The following A2ML1 variants were observed in gnomAD, a reference collection of about 807,000 sequenced individuals.
A2ML1 encodes alpha-2-macroglobulin-like protein 1.
Under a neutral mutation model 181.9 loss-of-function variants are expected in A2ML1, and 161 were observed. That is an observed-to-expected ratio of 0.89 (90% CI 0.78 to 1.01). The LOEUF (loss-of-function observed/expected upper bound fraction) is 1.01. A2ML1 is among the 50% of genes least tolerant of loss of function. The pLI is 0.00. For synonymous variants in A2ML1, 663 were observed against 666.8 expected (o/e 0.99, Z 0.09); for missense variants, 1,670 against 1,768.1 (o/e 0.94, Z 1.00).
At chr12:8,855,110 G>A (rs986206218) in intron 22 of A2ML1, among the ~76,000 whole-genome samples, 4 of 152,092 alleles carry the variant, frequency 2.6e-5, no homozygotes, top group African/African-American at 9.7e-5. Context: ...GGCCAGGCTG[G>A]TCTCGAACTC....
At chr12:8,862,837 A>C (rs892338244) in intron 28 of A2ML1, among the ~76,000 whole-genome samples, 1 of 152,112 alleles carries the variant, frequency 6.6e-6, no homozygotes, top group Non-Finnish European at 1.5e-5. Flanking sequence ...CGTTCTTCCA[A>C]TTAGATTGCC....
At position 8,869,055 on chromosome 12, in the gene A2ML1, G is replaced by C. The variant is rs1944532263; in HGVS notation, c.4153-80G>C. 6 of 1,387,920 alleles carry C rather than the reference G, an allele frequency of 4.3e-6. No homozygotes were observed. In the Admixed American group the frequency reaches 6.9e-5, roughly 16 times the overall value. The allele number at this position is 1,387,920 out of a possible 1,614,324, so 86.0% of individuals were successfully genotyped here. ...TTTCCACAGTATATATTGTTTCCTT[G>C]ATCATGGCAGAGCTTTGGAAGACTA... On this transcript the variant is annotated intron_variant, in intron 32 of 35. Coordinates refer to ENST00000299698, the MANE Select transcript of A2ML1 (RefSeq NM_144670.6).
At position 8,839,290 on chromosome 12, in the gene A2ML1, G is replaced by A; in HGVS notation, c.1080+68G>A. On this transcript the variant is annotated intron_variant, in intron 10 of 35. Transcript: ENST00000299698. Reference sequence around the variant, plus strand: ...CCATCTACTTTGCCTCCTTCCTGCAGCCATAGCCACATAGCTAACTTAGTG... The same window carrying A: ...CCATCTACTTTGCCTCCTTCCTGCAACCATAGCCACATAGCTAACTTAGTG... The A allele has an allele frequency of 4.3e-5, 48 of 1,112,364 alleles. No homozygotes were observed. The South Asian group carries it at 6.5e-4, about 15-fold the overall frequency. 68.9% of individuals were successfully genotyped at this position (1,112,364 alleles called of 1,614,324 possible). A position where few individuals can be genotyped will look rare whatever the true frequency, so the allele number is the denominator to read the frequency against.
intron 14 of A2ML1, among the ~76,000 whole-genome samples, chr12:8,846,677 G>T (rs936140229): frequency 1.3e-5 from 2 of 152,076 alleles, no homozygotes; most frequent in Non-Finnish European, 2.9e-5. Context: ...CAAGCATGGT[G>T]GTGGATGCCT....
chr12:8,832,414 C>A (rs1279626366), intron 4 of A2ML1, among the ~76,000 whole-genome samples: 1 of 152,108 alleles, frequency 6.6e-6, no homozygotes, highest in Non-Finnish European at 1.5e-5. Flanking sequence ...CAGACTGGTC[C>A]CCGGGCAAGA....
chr12:8,836,734 T>A (rs1565467519), intron 7 of A2ML1, among the ~76,000 whole-genome samples: 1 of 152,170 alleles, frequency 6.6e-6, no homozygotes, highest in Non-Finnish European at 1.5e-5. Flanking sequence ...TCCGCCCACC[T>A]TGGCCTCCCA....
At position 8,824,034 on chromosome 12, in the gene A2ML1, A is replaced by G. The variant is rs115041217; in HGVS notation, c.409+152A>G. The G allele has an allele frequency of 7.5e-4, 633 of 839,886 alleles. 2 individuals carry two copies. In the African/African-American group the frequency reaches 9.5e-3, roughly 13 times the overall value. The allele number at this position is 839,886 out of a possible 1,614,324, so 52.0% of individuals were successfully genotyped here. On this transcript the variant is annotated intron_variant, in intron 3 of 35. Transcript: ENST00000299698. Reference sequence around the variant, plus strand: ...GGGGGATTAAGTAGTGCAAGTGTTGAATACATGCTGCGCTACACAAGCAAG... The same window carrying G: ...GGGGGATTAAGTAGTGCAAGTGTTGGATACATGCTGCGCTACACAAGCAAG...
In A2ML1 at chr12:8,847,556, T is replaced by C. The variant is rs931220172; in HGVS notation, c.1691T>C (p.Leu564Pro). 2.5e-6 allele frequency: 4 copies of C among 1,609,270 alleles called. No individual in the cohort carries two copies. Among genetic ancestry groups the C allele is most frequent in the Non-Finnish European group, 2.5e-6 (3 of 1,178,182 alleles). Residue 564 changes from leucine to proline, a missense_variant, in exon 15 of 36, where the codon CTT becomes CCT. By Grantham distance (98) the Leu-to-Pro change is moderately conservative. Transcript: ENST00000299698. ...TACCTTTCCCTTCCCCAGGTTTCCC[T>C]TGGCTTCTCCCCCTCCCAGCAGCTT... is the stretch of plus-strand genomic sequence containing the variant. The part of the protein sequence containing the change: ...VEMCFDNQVS[L>P]GFSPSQQLPG...
In A2ML1 at chr12:8,863,794, G is replaced by C. The variant is rs772148820; in HGVS notation, c.3503G>C (p.Gly1168Ala). 1.9e-6 allele frequency: 3 copies of C among 1,614,020 alleles called. No individual in the cohort carries two copies. The highest frequency in any genetic ancestry group is 8.5e-7 in the Non-Finnish European group (1 of 1,179,970). ...KQLDQQAIIS[G>A]ESIYWSQKPT... The stretch of plus-strand genomic sequence containing the variant: ...CCTAGTTATGTTTCTTTTTCCATAG[G>C]AGAATCCATTTACTGGAGCCAGAAA... Residue 1168 changes from glycine to alanine, a missense_variant and splice_region_variant, in exon 29 of 36, where the codon GGA (glycine) becomes GCA (alanine). Gly to Ala is a moderately conservative substitution (Grantham distance 60). Coordinates refer to ENST00000299698, the MANE Select transcript of A2ML1 (RefSeq NM_144670.6).
Position 8,849,660 on chromosome 12 carries a change from G to GC in A2ML1, c.2029-7dup. On this transcript the variant is annotated splice_polypyrimidine_tract_variant and intron_variant, in intron 16 of 35. Coordinates refer to ENST00000299698, the MANE Select transcript of A2ML1 (RefSeq NM_144670.6). Reference sequence around the variant, plus strand: ...CCACCTTAATACTTATTTCTCTGATGCCTATCAGGACGTGGGCCTGAAAAT... The same window carrying GC: ...CCACCTTAATACTTATTTCTCTGATGCCCTATCAGGACGTGGGCCTGAAAAT... 6.2e-7 allele frequency: 1 copy of GC among 1,612,704 alleles called. No homozygotes were observed. Among genetic ancestry groups the GC allele is most frequent in the Non-Finnish European group, 8.5e-7 (1 of 1,178,738 alleles).
intron 7 of A2ML1, among the ~76,000 whole-genome samples, chr12:8,885,161 T>C (rs931246538): frequency 1.3e-5 from 2 of 152,202 alleles, no homozygotes; most frequent in African/African-American, 4.8e-5. Flanking sequence ...CTTCAGTCTA[T>C]GGGTTGCCTT....
chr12:8,874,335 T>C lies in A2ML1; in HGVS notation c.4222-90T>C, dbSNP rs1010439460. 2.8e-6 allele frequency: 3 copies of C among 1,065,680 alleles called. No homozygotes were observed. In the African/African-American group the frequency reaches 4.7e-5, roughly 17 times the overall value. The allele number at this position is 1,065,680 out of a possible 1,614,324, so 66.0% of individuals were successfully genotyped here. A position where few individuals can be genotyped will look rare whatever the true frequency, so the allele number is the denominator to read the frequency against. Reference sequence around the variant, plus strand: ...CTGGCGGGGCTTCAGAAAATCTACATGAAGACAGCAAGGGTCTTTTATTCC... The same window carrying C: ...CTGGCGGGGCTTCAGAAAATCTACACGAAGACAGCAAGGGTCTTTTATTCC... On this transcript the variant is annotated intron_variant, in intron 33 of 35. Coordinates refer to ENST00000299698, the MANE Select transcript of A2ML1 (RefSeq NM_144670.6).
chr12:8,851,732 T>G, intron 18 of A2ML1, 52 bp from the exon 19 acceptor site: 1 of 1,569,326 alleles, frequency 6.4e-7, no homozygotes, highest in Non-Finnish European at 8.7e-7. Flanking sequence ...TCACAAATGT[T>G]CTCCTTGCCC....
chr12:8,868,119 C>T, intron 30 of A2ML1, 62 bp downstream of exon 30: 1 of 1,608,038 alleles, frequency 6.2e-7, no homozygotes, highest in Admixed American at 1.7e-5. Flanking sequence ...GCATCTTCCC[C>T]TTAGGCCTTC....
Position 8,852,339 on chromosome 12 carries a change from A to G in A2ML1, c.2590+3A>G. ...GAACATCACAGCTGTCAAATTGGGT[A>G]AGAGAGGGAAGTGGTAGACGGGCGA... On this transcript the variant is annotated splice_donor_region_variant and intron_variant, in intron 20 of 35. Transcript: ENST00000299698. This position sits in a 1 kb window ranked among gnomAD's most constrained non-coding sequence, Gnocchi z 4.2. 1 of 1,614,054 alleles carries G rather than the reference A, an allele frequency of 6.2e-7. No individual in the cohort carries two copies. The highest frequency in any genetic ancestry group is 8.5e-7 in the Non-Finnish European group (1 of 1,179,944).
intron 33 of A2ML1, among the ~76,000 whole-genome samples, chr12:8,872,129 AGATT>A (rs1944644628): frequency 6.6e-6 from 1 of 151,046 alleles, no homozygotes; most frequent in African/African-American, 2.4e-5. Flanking sequence ...CAGTGAGCCG[AGATT>A]GCGCCACTGC....
intron 16 of A2ML1, 30 bp from the exon 17 acceptor site, chr12:8,849,639 C>A: frequency 6.3e-7 from 1 of 1,591,822 alleles, no homozygotes; most frequent in Non-Finnish European, 8.6e-7. Context: ...AAGGGACCAC[C>A]TTAATACTTA....
At position 8,841,474 on chromosome 12, in the gene A2ML1, A is replaced by G. The variant is rs1474477904; in HGVS notation, c.1186A>G (p.Asn396Asp). ...TFNQTLVTDN[N>D]GLAPFTLETS... Reference sequence around the variant, plus strand: ...CAACCAGACCCTGGTTACTGATAACAATGGCCTAGCTCCCTTTACCTTGGA... The same window carrying G: ...CAACCAGACCCTGGTTACTGATAACGATGGCCTAGCTCCCTTTACCTTGGA... Residue 396 changes from asparagine to aspartate, a missense_variant, in exon 11 of 36, where the codon AAT becomes GAT. Coordinates refer to ENST00000299698, the MANE Select transcript of A2ML1 (RefSeq NM_144670.6). The G allele has an allele frequency of 6.2e-7, 1 of 1,614,150 alleles. No individual in the cohort carries two copies. Among genetic ancestry groups the G allele is most frequent in the East Asian group, 2.2e-5 (1 of 44,878 alleles).
chr12:8,874,560 T>A, intron 34 of A2ML1, 33 bp downstream of exon 34: 1 of 1,526,100 alleles, frequency 6.6e-7, no homozygotes. Flanking sequence ...AGATCTGAGA[T>A]CTTACCTGCA....
Sources: gnomAD v4.1 joint callset for allele counts (sites outside exome capture counted in the v4.1 genomes callset) on GRCh38, gnomAD v4.1.1 for gene constraint, Gnocchi (gnomAD v3.1) non-coding constraint, MANE v1.5 for transcripts, NCBI Gene and HGNC (gene_info 2026-07-23, HGNC 2026-07-21) for gene names.